UBAP2L: variants seen among roughly 807,000 people sequenced by gnomAD.
The protein encoded by UBAP2L is ubiquitin associated protein 2 like.
Under a neutral mutation model 130.6 loss-of-function variants are expected in UBAP2L, and 12 were observed. The ratio of observed to expected loss-of-function variants is 0.09; its 90% CI spans 0.06 to 0.15. UBAP2L has a LOEUF of 0.15. UBAP2L is among the 10% of genes least tolerant of loss of function. The pLI is 1.00. For missense variants in UBAP2L, 965 were observed against 1,332.5 expected, an observed-to-expected ratio of 0.72 and a Z score of 4.29; for synonymous variants, 503 against 524.7, an observed-to-expected ratio of 0.96 and a Z score of 0.57.
At chr1:154,269,120 G>A (rs964171414) in intron 26 of UBAP2L, 166 bp downstream of exon 26, 10 of 956,802 alleles carry the variant, frequency 1.0e-5, no homozygotes, top group Non-Finnish European at 1.5e-5. Context: ...CACATAACAC[G>A]AGCGGCCGGC....
chr1:154,250,847 CAAAA>C (rs1023678670), intron 12 of UBAP2L, among the ~76,000 whole-genome samples, 190 bp from the exon 13 acceptor site: 2 of 48,962 alleles, frequency 4.1e-5, no homozygotes, highest in Non-Finnish European at 9.0e-5. Flanking sequence ...ACTCCCATCT[CAAAA>C]AAAAAAAAAA....
intron 11 of UBAP2L, among the ~76,000 whole-genome samples, chr1:154,248,227 A>C (rs531649011): frequency 2.6e-5 from 4 of 152,240 alleles, no homozygotes; most frequent in Admixed American, 2.6e-4. Flanking sequence ...TCAGCCTCCC[A>C]AAGTGCTGGG....
At chr1:154,271,318 T>G (rs576679463), downstream of UBAP2L, 3 of 197,554 alleles carry the variant, frequency 1.5e-5, no homozygotes, top group Admixed American at 1.7e-4. Flanking sequence ...CTGGCAGAAC[T>G]AAATCTTGGA....
chr1:154,220,419 C>T (rs1374088223), upstream of UBAP2L: 2 of 1,614,252 alleles, frequency 1.2e-6, no homozygotes, highest in East Asian at 2.2e-5. Flanking sequence ...GCCTCCCTAC[C>T]TCGCGCAGAA....
chr1:154,227,460 G>A (rs1271664449), intron 3 of UBAP2L, 101 bp downstream of exon 3: 1 of 1,033,830 alleles, frequency 9.7e-7, no homozygotes, highest in South Asian at 1.4e-5. Context: ...TCTACTATAG[G>A]TATTGAAAGA....
intron 4 of UBAP2L, among the ~76,000 whole-genome samples, chr1:154,231,288 CTTTTT>C (rs5777894): frequency 1.4e-5 from 2 of 138,352 alleles, no homozygotes; most frequent in African/African-American, 5.5e-5. Flanking sequence ...CCACACTTGG[CTTTTT>C]TTTTTTTTTC....
intron 11 of UBAP2L, 105 bp from the exon 12 acceptor site, chr1:154,249,134 T>A (rs2148856810): frequency 1.9e-6 from 2 of 1,065,972 alleles, no homozygotes; most frequent in Admixed American, 3.7e-5. Flanking sequence ...CAGTATTCTT[T>A]ACTTGCCTGA....
At position 154,255,302 on chromosome 1, in the gene UBAP2L, A is replaced by G. The variant is rs759628812; in HGVS notation, c.2060A>G (p.Asn687Ser). 3.1e-6 allele frequency: 5 copies of G among 1,614,116 alleles called. No individual in the cohort carries two copies. In the South Asian group the frequency reaches 3.3e-5, roughly 11 times the overall value. ...GGLSHSEEIPNTTTTQHSSTL... is the reference protein window; with the variant it reads ...GGLSHSEEIPSTTTTQHSSTL... Reference sequence around the variant, plus strand: ...TTGAGCCACAGTGAGGAGATTCCAAATACTACCACCACACAACACAGCAGG... The same window carrying G: ...TTGAGCCACAGTGAGGAGATTCCAAGTACTACCACCACACAACACAGCAGG... Residue 687 changes from asparagine to serine, a missense_variant, in exon 17 of 27, where the codon AAT becomes AGT. By Grantham distance (46) the Asn-to-Ser change is conservative. Around this residue, in one of 9 missense-constraint regions of UBAP2L, gnomAD observed 393 missense variants for 408.1 expected, o/e 0.96. Transcript: ENST00000428931.
intron 4 of UBAP2L, among the ~76,000 whole-genome samples, chr1:154,234,062 C>T (rs6657214): frequency 0.45 from 68,926 of 151,754 alleles, 15,962 homozygotes; most frequent in South Asian, 0.64. Flanking sequence ...TGGTGGCTCA[C>T]GTCTGTAATC....
chr1:154,249,370 T>C lies in UBAP2L; in HGVS notation c.1146T>C (p.Ser382=), dbSNP rs553640393. The C allele has an allele frequency of 6.2e-7, 1 of 1,614,196 alleles. No individual in the cohort carries two copies. The highest frequency in any genetic ancestry group is 1.3e-5 in the African/African-American group (1 of 75,042). Residue 382 remains serine (S), a synonymous_variant, in exon 12 of 27, where the codon TCT becomes TCC. Transcript: ENST00000428931. ...LAQLAAQHSQ[S]GSTTTSSWDM... is the part of the protein sequence containing the mutation. The stretch of plus-strand genomic sequence containing the variant: ...AGTTGGCAGCTCAGCATTCTCAGTC[T>C]GGAAGCACCACCACCTCCTCTTGGG...
At chr1:154,229,204 C>T (rs1449931832) in intron 4 of UBAP2L, among the ~76,000 whole-genome samples, 1 of 151,958 alleles carries the variant, frequency 6.6e-6, no homozygotes, top group Non-Finnish European at 1.5e-5. Flanking sequence ...TGTTTCATTG[C>T]CTGAACTTCC....
Position 154,261,013 on chromosome 1 carries a change from G to A in UBAP2L, c.2700G>A (p.Pro900=), listed in dbSNP as rs763086547. 18 of 1,614,040 alleles carry A rather than the reference G, an allele frequency of 1.1e-5. No homozygotes were observed. Among genetic ancestry groups the A allele is most frequent in the Middle Eastern group, 3.3e-4 (2 of 6,084 alleles). The change falls in exon 23 of 27, where the codon CCG becomes CCA. Residue 900 remains proline, a synonymous_variant. Transcript: ENST00000428931. Reference sequence around the variant, plus strand: ...CCACGCAGCAGACATTCCTGAACCCGGCGCTGCCTCCTGGCTACAGTTACA... The same window carrying A: ...CCACGCAGCAGACATTCCTGAACCCAGCGCTGCCTCCTGGCTACAGTTACA... ...HHTTQQTFLN[P]ALPPGYSYTS...
chr1:154,261,152 A>T, intron 23 of UBAP2L, 43 bp downstream of exon 23: 14 of 1,582,022 alleles, frequency 8.8e-6, no homozygotes, highest in Non-Finnish European at 1.2e-5. Flanking sequence ...GAAGGATCCT[A>T]GCCCTGGACA....
intron 4 of UBAP2L, among the ~76,000 whole-genome samples, 153 bp downstream of exon 4, chr1:154,228,878 A>G (rs745454455): frequency 6.6e-6 from 1 of 152,220 alleles, no homozygotes; most frequent in Non-Finnish European, 1.5e-5. Flanking sequence ...ACCACAGGTT[A>G]TAAATACTTA....
At chr1:154,261,242 C>A in intron 23 of UBAP2L, 133 bp downstream of exon 23, 3 of 1,078,336 alleles carry the variant, frequency 2.8e-6, no homozygotes, top group Non-Finnish European at 3.9e-6. Flanking sequence ...CTGTTTTTGG[C>A]CTGATGCAGG....
Position 154,239,956 on chromosome 1 carries a change from GA to G in UBAP2L, c.704-1554del, listed in dbSNP as rs201889141. On this transcript the variant is annotated intron_variant, in intron 8 of 26. Transcript: ENST00000428931. Reference sequence around the variant, plus strand: ...TGGTGCAATTTTAATATTTTCCTGGGAAAGTCTTTACAATGAATATATTTTC... The same window carrying G: ...TGGTGCAATTTTAATATTTTCCTGGGAAGTCTTTACAATGAATATATTTTC... Among the ~76,000 whole-genome samples the G allele has an allele frequency of 7.7e-3, 1,172 of 152,280 alleles. 12 individuals carry two copies. Among genetic ancestry groups the G allele is most frequent in the African/African-American group, 0.027 (1,122 of 41,538 alleles).
chr1:154,249,245 A>G lies in UBAP2L; in HGVS notation c.1021A>G (p.Met341Val). Residue 341 changes from methionine to valine, a missense_variant, in exon 12 of 27, where the codon ATG becomes GTG. Coordinates refer to ENST00000428931, the MANE Select transcript of UBAP2L (RefSeq NM_014847.4). ...NTFSHHSMVS[M>V]LGKGFGDVGE... is the part of the protein sequence containing the mutation. ...TCTCTTTGTTGATCTACAGGTGAGC[A>G]TGTTAGGGAAAGGATTTGGTGATGT... The G allele has an allele frequency of 1.2e-6, 2 of 1,614,090 alleles. No homozygotes were observed. The highest frequency in any genetic ancestry group is 1.1e-5 in the South Asian group (1 of 91,080).
upstream of UBAP2L, chr1:154,220,403 G>A (rs1252232934): frequency 1.9e-6 from 3 of 1,614,072 alleles, no homozygotes; most frequent in Non-Finnish European, 2.5e-6. Flanking sequence ...ACTGCCGGAC[G>A]CCATGGCCTC....
intron 12 of UBAP2L, among the ~76,000 whole-genome samples, chr1:154,249,650 T>C (rs1051118221): frequency 1.4e-4 from 22 of 152,136 alleles, no homozygotes; most frequent in African/African-American, 7.2e-5. Context: ...TCATCACATT[T>C]AGAGGCTGGG....
Sources: gnomAD v4.1 joint callset for allele counts (sites outside exome capture counted in the v4.1 genomes callset) on GRCh38, gnomAD v4.1.1 for gene constraint, gnomAD v4.1.1 regional missense constraint, MANE v1.5 for transcripts, NCBI Gene and HGNC (gene_info 2026-07-23, HGNC 2026-07-21) for gene names.